Variants in CREBBP observed in about 807,000 individuals in gnomAD.
CREBBP encodes CREB-binding protein.
A neutral mutation model predicts 265.0 loss-of-function variants in CREBBP; 19 were observed. The ratio of observed to expected loss-of-function variants is 0.07; its 90% CI spans 0.05 to 0.11. The LOEUF (loss-of-function observed/expected upper bound fraction) is 0.11. CREBBP is among the 10% of genes least tolerant of loss of function. The pLI is 1.00. For missense variants in CREBBP, 2,525 were observed against 3,219.0 expected (o/e 0.78, Z 5.22); for synonymous variants, 1,457 against 1,223.7 (o/e 1.19, Z -3.98).
rs2051795810 is a variant in CREBBP at position 3,728,093 on chromosome 16, T to C, written c.6954A>G (p.Gln2318=). 1.2e-6 allele frequency: 2 copies of C among 1,614,136 alleles called. No individual in the cohort carries two copies. Among genetic ancestry groups the C allele is most frequent in the East Asian group, 4.5e-5 (2 of 44,878 alleles). Residue 2318 remains glutamine (Q), a synonymous_variant, in exon 31 of 31, where the codon CAA becomes CAG. Transcript: ENST00000262367. This position sits in a 1 kb window ranked among gnomAD's most constrained non-coding sequence, Gnocchi z 8.7. The part of the protein sequence containing the change: ...PGQPNPMSPQ[Q]HMLSGQPQAS... ...CCTGTGGCTGTCCTGAGAGCATGTG[T>C]TGCTGGGGGCTCATGGGGTTCGGCT... is the stretch of plus-strand genomic sequence containing the variant.
intron 30 of CREBBP, 29 bp from the exon 31 acceptor site, chr16:3,729,903 T>A (rs2051865565): frequency 6.3e-7 from 1 of 1,598,354 alleles, no homozygotes; most frequent in Non-Finnish European, 8.5e-7. Flanking sequence ...GACAGGCCGG[T>A]GTCAGCATGG....
At chr16:3,737,024 C>T (rs1426169068) in intron 26 of CREBBP, 1 of 644,596 alleles carries the variant, frequency 1.6e-6, no homozygotes. Context: ...TGCAACACTT[C>T]TCCCTTGGGG....
Position 3,810,652 on chromosome 16 carries a change from G to A in CREBBP, c.926C>T (p.Thr309Ile). ...SKQSMVNSLP[T>I]FPTDIKNTSV... ...AGTATTCTTGATATCTGTAGGGAAGGTGGGCAAACTGTTGACCATGCTCTG... is the reference window on the plus strand; with the variant it reads ...AGTATTCTTGATATCTGTAGGGAAGATGGGCAAACTGTTGACCATGCTCTG... The change falls in exon 3 of 31, where the codon ACC becomes ATC. Residue 309 changes from threonine to isoleucine, a missense_variant. Physicochemically the swap from Thr to Ile is moderately conservative, Grantham distance 89. Transcript: ENST00000262367. 6.2e-7 allele frequency: 1 copy of A among 1,613,930 alleles called. No homozygotes were observed. The highest frequency in any genetic ancestry group is 1.1e-5 in the South Asian group (1 of 91,056).
At chr16:3,840,644 A>C (rs1345293418) in intron 2 of CREBBP, 1 of 178,874 alleles carries the variant, frequency 5.6e-6, no homozygotes, top group Non-Finnish European at 1.2e-5. Context: ...GATGTTGATA[A>C]AGAACCTTAG....
At chr16:3,781,351 T>C (rs766895838) in intron 6 of CREBBP, 45 bp from the exon 7 acceptor site, 4 of 1,491,108 alleles carry the variant, frequency 2.7e-6, no homozygotes, top group South Asian at 2.3e-5. Flanking sequence ...AATTTTAATA[T>C]ATACTTCAAA....
At position 3,788,635 on chromosome 16, in the gene CREBBP, T is replaced by C. The variant is rs116035958; in HGVS notation, c.1330+3346A>G. On this transcript the variant is annotated intron_variant, in intron 5 of 30. Coordinates refer to ENST00000262367, the MANE Select transcript of CREBBP (RefSeq NM_004380.3). Reference sequence around the variant, plus strand: ...TAACTCGAGATCAGTGATTACAGAATCTTTAAAAAACAATTCAAGGAAAAA... The same window carrying C: ...TAACTCGAGATCAGTGATTACAGAACCTTTAAAAAACAATTCAAGGAAAAA... Among the ~76,000 whole-genome samples the C allele has an allele frequency of 2.5e-3, 380 of 152,294 alleles. 2 individuals are homozygous for C. Among genetic ancestry groups the C allele is most frequent in the African/African-American group, 8.3e-3 (346 of 41,552 alleles).
intron 5 of CREBBP, among the ~76,000 whole-genome samples, chr16:3,787,506 T>C (rs1374222484): frequency 6.6e-6 from 1 of 151,862 alleles, no homozygotes; most frequent in Non-Finnish European, 1.5e-5. Flanking sequence ...GAGGTGAAAA[T>C]CTCTGAAGGG....
chr16:3,871,191 TCTCTCACTCA>T (rs1228004617), intron 1 of CREBBP, among the ~76,000 whole-genome samples: 22 of 61,060 alleles, frequency 3.6e-4, no homozygotes, highest in African/African-American at 7.9e-4. Context: ...TCTCTCTCTC[TCTCTCACTCA>T]CACACACACA....
chr16:3,749,124 G>C (rs2052416876), intron 21 of CREBBP, among the ~76,000 whole-genome samples: 1 of 152,176 alleles, frequency 6.6e-6, no homozygotes, highest in Non-Finnish European at 1.5e-5. Flanking sequence ...TCCAGCCTCG[G>C]GGACAGAGCG....
At chr16:3,812,118 T>C (rs1357464840) in intron 2 of CREBBP, among the ~76,000 whole-genome samples, 1 of 151,996 alleles carries the variant, frequency 6.6e-6, no homozygotes, top group African/African-American at 2.4e-5. Context: ...AACCAAGCAG[T>C]AGGCGATGGG....
intron 2 of CREBBP, among the ~76,000 whole-genome samples, chr16:3,816,462 T>C (rs548441477): frequency 6.6e-6 from 1 of 152,278 alleles, no homozygotes; most frequent in East Asian, 1.9e-4. Flanking sequence ...GATGAGGAAA[T>C]TCCTCTTTAA....
At position 3,731,155 on chromosome 16, in the gene CREBBP, G is replaced by A; in HGVS notation, c.5172+37C>T. On this transcript the variant is annotated intron_variant, in intron 30 of 30. Coordinates refer to ENST00000262367, the MANE Select transcript of CREBBP (RefSeq NM_004380.3). The surrounding 1 kb of genome is among the most constrained non-coding windows in gnomAD (Gnocchi z 7.7). ...GGACAGGATGCTTCGTCAGACCCCAGGCCGGCTGTGGGGGTGGGGGTGGGG... is the reference window on the plus strand; with the variant it reads ...GGACAGGATGCTTCGTCAGACCCCAAGCCGGCTGTGGGGGTGGGGGTGGGG... 1.3e-6 allele frequency: 2 copies of A among 1,599,450 alleles called. No homozygotes were observed. Among genetic ancestry groups the A allele is most frequent in the Non-Finnish European group, 1.7e-6 (2 of 1,172,016 alleles).
At chr16:3,786,178 T>C (rs1189509331) in intron 5 of CREBBP, among the ~76,000 whole-genome samples, 1 of 152,068 alleles carries the variant, frequency 6.6e-6, no homozygotes, top group Non-Finnish European at 1.5e-5. Context: ...GCCTGGCTAA[T>C]AACATGGTGA....
At chr16:3,849,563 G>C (rs1445225896) in intron 2 of CREBBP, among the ~76,000 whole-genome samples, 1 of 126,420 alleles carries the variant, frequency 7.9e-6, no homozygotes, top group Admixed American at 9.1e-5. Flanking sequence ...AAGAGACAGG[G>C]TTTCGCCACA....
chr16:3,783,862 G>C (rs1040058976), intron 5 of CREBBP, among the ~76,000 whole-genome samples: 1 of 152,218 alleles, frequency 6.6e-6, no homozygotes, highest in African/African-American at 2.4e-5. Context: ...AGGTAATGGA[G>C]AGACAACTCC....
rs2051785769 is a variant in CREBBP, at chr16:3,727,799, G to A, written c.7248C>T (p.Ser2416=). The A allele has an allele frequency of 1.9e-6, 3 of 1,614,180 alleles. No individual in the cohort carries two copies. Among genetic ancestry groups the A allele is most frequent in the South Asian group, 1.1e-5 (1 of 91,086 alleles). Residue 2416 remains serine, a synonymous_variant, in exon 31 of 31, where the codon AGC becomes AGT. Transcript: ENST00000262367. The part of the protein sequence containing the change: ...SAMLPQLNTP[S]RSALSSELSL... ...ACAGTTCGCTGGACAGCGCACTCCTGCTGGGGGTGTTCAGCTGGGGGAGCA... is the reference window on the plus strand; with the variant it reads ...ACAGTTCGCTGGACAGCGCACTCCTACTGGGGGTGTTCAGCTGGGGGAGCA...
In CREBBP at chr16:3,757,275, G is replaced by A. The variant is rs1461809176; in HGVS notation, c.3698+13C>T. Reference sequence around the variant, plus strand: ...GCCCTAAGACATAATGCAGGATGCTGCTTGACGCTTACCTATTCTGATAGC... The same window carrying A: ...GCCCTAAGACATAATGCAGGATGCTACTTGACGCTTACCTATTCTGATAGC... On this transcript the variant is annotated intron_variant, in intron 19 of 30. Transcript: ENST00000262367. The A allele has an allele frequency of 4.4e-6, 7 of 1,600,960 alleles. No homozygotes were observed. The highest frequency in any genetic ancestry group is 6.0e-6 in the Non-Finnish European group (7 of 1,170,406).
chr16:3,798,576 T>C (rs1435793092), intron 3 of CREBBP, among the ~76,000 whole-genome samples: 1 of 152,208 alleles, frequency 6.6e-6, no homozygotes, highest in Non-Finnish European at 1.5e-5. Context: ...CATGAAAAGA[T>C]GTTGAACCTT....
At chr16:3,743,913 T>A (rs58434078) in intron 23 of CREBBP, among the ~76,000 whole-genome samples, 3,069 of 151,934 alleles carry the variant, frequency 0.02, 93 homozygotes, top group African/African-American at 0.069. Flanking sequence ...CCGTCTCTAC[T>A]AAAAATACAA....
Sources: allele counts gnomAD v4.1 joint callset (sites outside exome capture counted in the v4.1 genomes callset), GRCh38; gene constraint gnomAD v4.1.1; non-coding constraint Gnocchi (gnomAD v3.1); transcripts MANE v1.5; gene names NCBI Gene and HGNC (gene_info 2026-07-23, HGNC 2026-07-21).